CAST: variants seen among roughly 807,000 people sequenced by gnomAD.
CAST encodes MIR583 host.
Under a neutral mutation model 119.6 loss-of-function variants are expected in CAST, and 76 were observed. That is an observed-to-expected ratio of 0.64 (90% CI 0.53 to 0.77). The LOEUF (loss-of-function observed/expected upper bound fraction) is 0.77. Ranked by LOEUF, CAST falls within the 30% of genes least tolerant of loss-of-function variation. CAST has a pLI of 0.00. For synonymous variants in CAST, 319 were observed against 331.6 expected (o/e 0.96, Z 0.41); for missense variants, 953 against 946.5 (o/e 1.01, Z -0.09).
chr5:96,390,156 T>C, the CAST span, among the ~76,000 whole-genome samples: 2 of 152,302 alleles, frequency 1.3e-5, no homozygotes, highest in African/African-American at 4.8e-5. Flanking sequence ...TTGCATGTTG[T>C]CAAGAAAGTG....
At chr5:96,116,379 T>C in the CAST span, among the ~76,000 whole-genome samples, 2 of 152,358 alleles carry the variant, frequency 1.3e-5, no homozygotes, top group East Asian at 3.8e-4. Context: ...ATTTCCAGTA[T>C]TTGGCAATTA....
At chr5:96,618,379 G>T (rs1412754875) in intron 1 of CAST, among the ~76,000 whole-genome samples, 1 of 152,218 alleles carries the variant, frequency 6.6e-6, no homozygotes, top group Admixed American at 6.5e-5. Flanking sequence ...CTTGCTCTCA[G>T]CACCTCCTCG....
the CAST span, among the ~76,000 whole-genome samples, chr5:96,322,119 G>A: frequency 1.3e-5 from 2 of 152,146 alleles, no homozygotes; most frequent in African/African-American, 4.8e-5. Flanking sequence ...CCATAGAAGG[G>A]AGTCTATTTT....
chr5:96,761,287 CTTG>C (rs1767861252), intron 24 of CAST: 2 of 152,226 alleles, frequency 1.3e-5, no homozygotes, highest in South Asian at 4.2e-4. Context: ...CATTTGACAA[CTTG>C]TTATTCTTTT....
At chr5:96,242,165 C>G in the CAST span, among the ~76,000 whole-genome samples, 6 of 149,902 alleles carry the variant, frequency 4.0e-5, no homozygotes, top group East Asian at 1.9e-4. Context: ...ATGGTAATGC[C>G]TAGGTTTTCT....
the CAST span, among the ~76,000 whole-genome samples, chr5:96,177,168 C>T: frequency 5.3e-5 from 8 of 152,258 alleles, no homozygotes; most frequent in African/African-American, 1.9e-4. Context: ...ACTTTACCAA[C>T]GGAGTAGATT....
At chr5:96,720,595 A>G (rs1758057000) in intron 3 of CAST, among the ~76,000 whole-genome samples, 1 of 152,230 alleles carries the variant, frequency 6.6e-6, no homozygotes, top group South Asian at 2.1e-4. Flanking sequence ...TGTGCTGCCA[A>G]CAGGGGCCAA....
At position 96,762,361 on chromosome 5, in the gene CAST, C is replaced by G; in HGVS notation, c.1921C>G (p.Arg641Gly). The change falls in exon 25 of 32, where the codon CGT becomes GGT. Residue 641 changes from arginine (R) to glycine (G), a missense_variant. By Grantham distance (125) the Arg-to-Gly change is moderately radical (BLOSUM62 -2). Transcript: ENST00000675179. ...AACGACCCAAGCTGGAGCCCCACCC[C>G]GTGATACCTCGGTAAGCAGCACATC... ...ASTTQAGAPP[R>G]DTSQSDKDLD... 4 of 1,595,102 alleles carry G rather than the reference C, an allele frequency of 2.5e-6. No individual in the cohort carries two copies. Among genetic ancestry groups the G allele is most frequent in the Non-Finnish European group, 2.6e-6 (3 of 1,172,874 alleles).
the CAST span, among the ~76,000 whole-genome samples, chr5:96,217,773 A>T: frequency 6.6e-6 from 1 of 152,190 alleles, no homozygotes; most frequent in African/African-American, 2.4e-5. Flanking sequence ...AAACAGGAAA[A>T]ACTTAACTTT....
At chr5:96,367,639 TCTC>T in the CAST span, among the ~76,000 whole-genome samples, 1 of 152,046 alleles carries the variant, frequency 6.6e-6, no homozygotes, top group African/African-American at 2.4e-5. Flanking sequence ...CGGGATATAA[TCTC>T]CTGATGTGTC....
At chr5:96,366,734 C>G in the CAST span, among the ~76,000 whole-genome samples, 1 of 152,160 alleles carries the variant, frequency 6.6e-6, no homozygotes, top group Non-Finnish European at 1.5e-5. Flanking sequence ...CTCACCTAAT[C>G]TTTTTTCAAG....
At chr5:96,397,500 C>G in the CAST span, 1 of 1,596,784 alleles carries the variant, frequency 6.3e-7, no homozygotes, top group Non-Finnish European at 8.6e-7. Context: ...AATGAATGTC[C>G]TAATAGCTCT....
chr5:96,034,510 TG>T, the CAST span, among the ~76,000 whole-genome samples: 1 of 68,924 alleles, frequency 1.5e-5, no homozygotes, highest in Non-Finnish European at 2.4e-5. Flanking sequence ...CACACACATA[TG>T]TGTGTGTGTA....
intron 2 of CAST, chr5:96,675,812 C>A: frequency 2.2e-6 from 1 of 459,780 alleles, no homozygotes; most frequent in Non-Finnish European, 3.8e-6. Flanking sequence ...TGTATGAATA[C>A]TTTCCCTTTA....
intron 1 of CAST, among the ~76,000 whole-genome samples, chr5:96,549,712 C>T (rs1468600794): frequency 1.3e-5 from 2 of 152,248 alleles, no homozygotes; most frequent in African/African-American, 4.8e-5. Flanking sequence ...TTCCCATGGT[C>T]TTCGCAATTG....
At chr5:96,576,154 G>C (rs1027621227) in intron 1 of CAST, among the ~76,000 whole-genome samples, 5 of 152,156 alleles carry the variant, frequency 3.3e-5, no homozygotes, top group African/African-American at 9.7e-5. Context: ...TTTCATAACA[G>C]ATATTGTTCT....
At chr5:96,490,354 C>CTGTGTGTGTG in the CAST span, among the ~76,000 whole-genome samples, 326 of 149,618 alleles carry the variant, frequency 2.2e-3, 3 homozygotes, top group South Asian at 0.015. Flanking sequence ...ATGTGTGTGT[C>CTGTGTGTGTG]TGTGTGTGTG....
chr5:96,432,144 T>G, the CAST span: 95 of 1,535,324 alleles, frequency 6.2e-5, no homozygotes, highest in East Asian at 2.2e-3. Context: ...ATCTCGACCC[T>G]GCAGTGGGAC....
At chr5:96,492,857 A>C in the CAST span, among the ~76,000 whole-genome samples, 1 of 152,378 alleles carries the variant, frequency 6.6e-6, no homozygotes, top group African/African-American at 2.4e-5. Flanking sequence ...AATTACAGCA[A>C]TGTAGCAATA....
Sources: allele counts gnomAD v4.1 joint callset (sites outside exome capture counted in the v4.1 genomes callset), GRCh38; gene constraint gnomAD v4.1.1; transcripts MANE v1.5; gene names NCBI Gene and HGNC (gene_info 2026-07-23, HGNC 2026-07-21).